TENM2: variants seen among roughly 807,000 people sequenced by gnomAD.
TENM2 encodes the protein teneurin transmembrane protein 2.
A neutral mutation model predicts 245.2 loss-of-function variants in TENM2; 52 were observed. That is an observed-to-expected ratio of 0.21 (90% CI 0.17 to 0.27). The LOEUF (loss-of-function observed/expected upper bound fraction) is 0.27. Ranked by LOEUF, TENM2 falls within the 10% of genes least tolerant of loss-of-function variation. The pLI, the probability that TENM2 is intolerant of heterozygous loss-of-function variation, is 1.00. For synonymous variants in TENM2, 1,363 were observed against 1,438.9 expected, an observed-to-expected ratio of 0.95 and a Z score of 1.19; for missense variants, 3,046 against 3,666.8, an observed-to-expected ratio of 0.83 and a Z score of 4.37.
At chr5:167,269,985 A>G in the TENM2 span, among the ~76,000 whole-genome samples, 38 of 152,236 alleles carry the variant, frequency 2.5e-4, no homozygotes, top group Admixed American at 1.4e-3. Context: ...CATCTTTTTC[A>G]TGTCATTTCT....
intron 2 of TENM2, among the ~76,000 whole-genome samples, chr5:167,664,518 C>A: frequency 6.6e-6 from 1 of 152,218 alleles, no homozygotes; most frequent in Middle Eastern, 3.4e-3. Context: ...ATCTTCTCAT[C>A]GTCCAGTTGT....
chr5:168,148,380 A>G (rs909060919), intron 12 of TENM2, among the ~76,000 whole-genome samples: 3 of 152,246 alleles, frequency 2.0e-5, no homozygotes, highest in African/African-American at 7.2e-5. Flanking sequence ...CCATTGTACA[A>G]GCTTTCAAGA....
At chr5:168,199,822 G>C (rs1430293516) in intron 16 of TENM2, 42 bp from the exon 19 acceptor site, 1 of 1,593,338 alleles carries the variant, frequency 6.3e-7, no homozygotes, top group Non-Finnish European at 8.5e-7. Context: ...TACCTGCACA[G>C]GTGTGTTTTA....
intron 14 of TENM2, 126 bp downstream of exon 16, chr5:168,190,673 C>T (rs1451343409): frequency 5.4e-6 from 4 of 736,094 alleles, no homozygotes; most frequent in Non-Finnish European, 9.0e-6. Flanking sequence ...GAGGCAGCTC[C>T]CTCCAAGGGG....
In TENM2 at chr5:168,071,094, C is replaced by T. The variant is rs74289996; in HGVS notation, c.1515+8829C>T. Among the ~76,000 whole-genome samples, 198 of 152,288 alleles carry T rather than the reference C, an allele frequency of 1.3e-3. 2 individuals are homozygous for T. The East Asian group carries it at 0.031, about 24-fold the overall frequency. The stretch of plus-strand genomic sequence containing the variant: ...CCAGTCCAAACTATCTGACTCTGAA[C>T]TCCAGCCTCCAATACTTCCAAGCTG... On this transcript the variant is annotated intron_variant, in intron 7 of 28. Coordinates refer to ENST00000518659, the Ensembl canonical transcript of TENM2.
intron 2 of TENM2, among the ~76,000 whole-genome samples, chr5:167,723,073 G>T (rs2150525181): frequency 6.6e-6 from 1 of 152,198 alleles, no homozygotes; most frequent in Non-Finnish European, 1.5e-5. Context: ...TGTGTATTCA[G>T]TGATTATAAC....
chr5:167,503,280 A>G (rs1017149919), intron 2 of TENM2, among the ~76,000 whole-genome samples: 1 of 152,188 alleles, frequency 6.6e-6, no homozygotes, highest in Non-Finnish European at 1.5e-5. Context: ...ACATAAAGAA[A>G]AGCCATTAAT....
chr5:167,941,378 A>G (rs1440303030), intron 3 of TENM2, among the ~76,000 whole-genome samples: 1 of 152,194 alleles, frequency 6.6e-6, no homozygotes, highest in Non-Finnish European at 1.5e-5. Flanking sequence ...CCACCATTGG[A>G]CAGTTTTATT....
the TENM2 span, among the ~76,000 whole-genome samples, chr5:167,126,710 A>C: frequency 1.3e-5 from 2 of 152,284 alleles, no homozygotes; most frequent in East Asian, 1.9e-4. Flanking sequence ...TTTAATTTCT[A>C]AGCTAAACCG....
At chr5:167,190,523 A>G in the TENM2 span, among the ~76,000 whole-genome samples, 1 of 152,202 alleles carries the variant, frequency 6.6e-6, no homozygotes, top group African/African-American at 2.4e-5. Context: ...CATTGAGCCA[A>G]GCTGGAATCT....
chr5:167,701,397 GTT>G (rs77173033), intron 2 of TENM2, among the ~76,000 whole-genome samples: 8 of 144,850 alleles, frequency 5.5e-5, no homozygotes, highest in African/African-American at 1.3e-4. Flanking sequence ...TTGGGTGTTT[GTT>G]TTTTTTTTTT....
chr5:167,510,546 C>A (rs558120322), intron 2 of TENM2, among the ~76,000 whole-genome samples: 2 of 149,526 alleles, frequency 1.3e-5, no homozygotes, highest in Non-Finnish European at 3.0e-5. Context: ...ATTATTTTCC[C>A]GAACTGTTAC....
At chr5:167,095,055 A>C in the TENM2 span, among the ~76,000 whole-genome samples, 1 of 152,134 alleles carries the variant, frequency 6.6e-6, no homozygotes, top group Non-Finnish European at 1.5e-5. Flanking sequence ...ACTCTAATTC[A>C]CAGAACTGTT....
intron 2 of TENM2, among the ~76,000 whole-genome samples, chr5:167,624,242 A>G (rs962649163): frequency 6.6e-6 from 1 of 152,204 alleles, no homozygotes; most frequent in Non-Finnish European, 1.5e-5. Flanking sequence ...ACAGCCATGA[A>G]AAAGAACAAA....
At chr5:167,790,011 A>G (rs1764839195) in intron 2 of TENM2, among the ~76,000 whole-genome samples, 1 of 152,250 alleles carries the variant, frequency 6.6e-6, no homozygotes, top group Admixed American at 6.5e-5. Flanking sequence ...AAGAAATGAC[A>G]TCAAGACAGT....
In TENM2 at chr5:167,419,871, G is replaced by A. The variant is rs140081197; in HGVS notation, c.502+44398G>A. ...AAAGGCAAATTGTAAGTAACAAGAG[G>A]GGACTTCCAATAGTGAGCAAGTTCT... On this transcript the variant is annotated intron_variant, in intron 2 of 28. Transcript: ENST00000518659. 2.6e-5 allele frequency among the ~76,000 whole-genome samples: 4 copies of A among 152,246 alleles called. No individual in the cohort carries two copies. In the East Asian group the frequency reaches 5.8e-4, roughly 22 times the overall value.
At chr5:166,979,534 T>G in the TENM2 span, among the ~76,000 whole-genome samples, 4 of 152,146 alleles carry the variant, frequency 2.6e-5, no homozygotes, top group African/African-American at 9.7e-5. Context: ...GTAAATGTTT[T>G]TCACTTCTTA....
chr5:168,133,424 C>A (rs1754764958), intron 12 of TENM2, among the ~76,000 whole-genome samples: 1 of 152,180 alleles, frequency 6.6e-6, no homozygotes, highest in Non-Finnish European at 1.5e-5. Flanking sequence ...TCTCTAAGGA[C>A]CTGTCCATTT....
chr5:166,988,737 G>A, the TENM2 span, among the ~76,000 whole-genome samples: 1 of 152,150 alleles, frequency 6.6e-6, no homozygotes, highest in African/African-American at 2.4e-5. Flanking sequence ...AGCCCTCCAT[G>A]TCCCTCACAC....
Sources: allele counts gnomAD v4.1 joint callset (sites outside exome capture counted in the v4.1 genomes callset), GRCh38; gene constraint gnomAD v4.1.1; transcripts MANE v1.5; gene names NCBI Gene and HGNC (gene_info 2026-07-23, HGNC 2026-07-21).